Variants in KCNIP4 observed in about 807,000 individuals in gnomAD.
The protein encoded by KCNIP4 is potassium voltage-gated channel interacting protein 4.
In KCNIP4, 12 loss-of-function variants were observed where a neutral mutation model predicts 34.0. The observed-to-expected ratio is 0.35, with a 90% CI of 0.23 to 0.57. KCNIP4 has a LOEUF of 0.57. KCNIP4 is among the 20% of genes least tolerant of loss of function. The probability of loss-of-function intolerance (pLI) is 0.83; values close to 1 mark genes in which losing one functional copy is unlikely to be tolerated. For synonymous variants in KCNIP4, 124 were observed against 102.2 expected (o/e 1.21, Z -1.29); for missense variants, 238 against 311.7 (o/e 0.76, Z 1.78).
At chr4:21,721,939 T>C (rs1328980557) in intron 1 of KCNIP4, among the ~76,000 whole-genome samples, 1 of 152,096 alleles carries the variant, frequency 6.6e-6, no homozygotes, top group Non-Finnish European at 1.5e-5. Flanking sequence ...TGCTTACCTG[T>C]TAAGGGGCTC....
chr4:20,882,577 A>T, intron 2 of KCNIP4, 31 bp downstream of exon 2: 1 of 1,428,556 alleles, frequency 7.0e-7, no homozygotes, highest in Non-Finnish European at 9.8e-7. Context: ...AGAGTTTCGG[A>T]GGAAAAAAAA....
At chr4:21,238,100 A>G (rs1759512478) in intron 1 of KCNIP4, among the ~76,000 whole-genome samples, 1 of 152,208 alleles carries the variant, frequency 6.6e-6, no homozygotes, top group African/African-American at 2.4e-5. Flanking sequence ...AATGTAATCC[A>G]GCATATAAAC....
intron 1 of KCNIP4, among the ~76,000 whole-genome samples, chr4:21,369,826 T>C (rs1164840488): frequency 2.1e-5 from 3 of 143,562 alleles, no homozygotes; most frequent in Non-Finnish European, 3.0e-5. Context: ...TAATTTTTTT[T>C]TTTTTTTTTT....
At chr4:21,220,119 C>A (rs1357632754) in intron 1 of KCNIP4, among the ~76,000 whole-genome samples, 1 of 152,040 alleles carries the variant, frequency 6.6e-6, no homozygotes, top group Admixed American at 6.6e-5. Flanking sequence ...TTTATTTTAT[C>A]CAGTTTATTC....
In KCNIP4 at chr4:21,076,499, A is replaced by G. The variant is rs562243618; in HGVS notation, c.62-193790T>C. 2.0e-5 allele frequency among the ~76,000 whole-genome samples: 3 copies of G among 152,184 alleles called. No individual in the cohort carries two copies. In the South Asian group the frequency reaches 6.2e-4, roughly 32 times the overall value. On this transcript the variant is annotated intron_variant, in intron 1 of 8. Coordinates refer to ENST00000382152, the MANE Select transcript of KCNIP4 (RefSeq NM_025221.6). ...AATTCTTGGCAAGGAACCAATTTTC[A>G]TGCTTTTCTGTGTCTCTTTTCAGCA...
chr4:21,202,427 A>T (rs1343621135), intron 1 of KCNIP4, among the ~76,000 whole-genome samples: 3 of 152,216 alleles, frequency 2.0e-5, no homozygotes, highest in Non-Finnish European at 4.4e-5. Flanking sequence ...GAGGAATACA[A>T]GAGGAGAGAG....
chr4:21,150,432 T>G (rs990190172), intron 1 of KCNIP4, among the ~76,000 whole-genome samples: 1 of 144,832 alleles, frequency 6.9e-6, no homozygotes, highest in Non-Finnish European at 1.5e-5. Flanking sequence ...CTGGGATGGC[T>G]CCCCTGACTG....
At chr4:21,686,441 T>C (rs1305264020) in intron 1 of KCNIP4, among the ~76,000 whole-genome samples, 2 of 152,164 alleles carry the variant, frequency 1.3e-5, no homozygotes, top group Non-Finnish European at 2.9e-5. Context: ...ATTAATTTAT[T>C]AGTTTATCTT....
chr4:21,005,350 A>G (rs911978523), intron 1 of KCNIP4, among the ~76,000 whole-genome samples: 2 of 152,154 alleles, frequency 1.3e-5, no homozygotes, highest in African/African-American at 4.8e-5. Context: ...AGGAGAATAT[A>G]ATCTTTGGCA....
chr4:21,811,052 G>C (rs1029007765), intron 1 of KCNIP4, among the ~76,000 whole-genome samples: 1 of 152,152 alleles, frequency 6.6e-6, no homozygotes, highest in African/African-American at 2.4e-5. Context: ...GGCAGCATTA[G>C]TCCCACTTTA....
At chr4:20,981,528 C>T (rs1736063500) in intron 1 of KCNIP4, among the ~76,000 whole-genome samples, 2 of 152,186 alleles carry the variant, frequency 1.3e-5, no homozygotes, top group African/African-American at 4.8e-5. Flanking sequence ...AGGAAAAGCA[C>T]TGTGTAGGAT....
intron 1 of KCNIP4, among the ~76,000 whole-genome samples, chr4:21,248,203 G>T (rs576249953): frequency 6.6e-6 from 1 of 151,826 alleles, no homozygotes; most frequent in African/African-American, 2.4e-5. Context: ...CCTCTCTCTT[G>T]CCTTGTGTGG....
intron 1 of KCNIP4, chr4:21,697,711 G>T (rs566015299): frequency 4.9e-6 from 6 of 1,215,712 alleles, no homozygotes; most frequent in Admixed American, 4.6e-5. Context: ...CAGACAGGCT[G>T]CCGGTTCACA....
chr4:21,765,823 A>C (rs1169917627), intron 1 of KCNIP4, among the ~76,000 whole-genome samples: 1 of 113,858 alleles, frequency 8.8e-6, no homozygotes, highest in African/African-American at 1.0e-4. Context: ...GGCCGTGAAA[A>C]AAAAAAAAAA....
chr4:21,875,529 A>G (rs1456937098), intron 1 of KCNIP4, among the ~76,000 whole-genome samples: 1 of 152,196 alleles, frequency 6.6e-6, no homozygotes, highest in East Asian at 1.9e-4. Flanking sequence ...GCATTTCTAT[A>G]CCAGTAGAAG....
At chr4:21,034,528 C>A (rs1741287118) in intron 1 of KCNIP4, among the ~76,000 whole-genome samples, 1 of 152,046 alleles carries the variant, frequency 6.6e-6, no homozygotes, top group Admixed American at 6.6e-5. Context: ...TTGTCTTTTC[C>A]CCTGGTCTTC....
At chr4:20,892,246 G>T (rs909729577) in intron 1 of KCNIP4, among the ~76,000 whole-genome samples, 2 of 152,184 alleles carry the variant, frequency 1.3e-5, no homozygotes, top group Non-Finnish European at 1.5e-5. Context: ...ACTAGAAGGT[G>T]CTTGAATTTG....
chr4:20,896,826 G>A (rs1726585465), intron 1 of KCNIP4, among the ~76,000 whole-genome samples: 1 of 152,156 alleles, frequency 6.6e-6, no homozygotes, highest in African/African-American at 2.4e-5. Flanking sequence ...ATTAAGCCAT[G>A]TCCATATATT....
intron 1 of KCNIP4, chr4:21,847,569 C>T (rs1054158855): frequency 3.3e-5 from 5 of 152,096 alleles, no homozygotes; most frequent in African/African-American, 1.2e-4. Context: ...AAATATCACA[C>T]GCAGAAGTAC....
Sources: gnomAD v4.1 joint callset for allele counts (sites outside exome capture counted in the v4.1 genomes callset) on GRCh38, gnomAD v4.1.1 for gene constraint, MANE v1.5 for transcripts, NCBI Gene and HGNC (gene_info 2026-07-23, HGNC 2026-07-21) for gene names.